Variants in DNAJC16 observed in about 807,000 individuals in gnomAD.
DNAJC16 encodes the protein DnaJ heat shock protein family (Hsp40) member C16.
Under a neutral mutation model 92.7 loss-of-function variants are expected in DNAJC16, and 76 were observed. That is an observed-to-expected ratio of 0.82 (90% CI 0.68 to 0.99). DNAJC16 has a LOEUF of 0.99. DNAJC16 is among the 50% of genes least tolerant of loss of function. The probability of loss-of-function intolerance (pLI) is 0.00; values close to 1 mark genes in which losing one functional copy is unlikely to be tolerated. For missense variants in DNAJC16, 869 were observed against 942.4 expected (o/e 0.92, Z 1.02); for synonymous variants, 328 against 358.7 (o/e 0.91, Z 0.97).
rs754061671 is a variant in DNAJC16 at position 15,544,443 on chromosome 1, G to A, written c.619G>A (p.Ala207Thr). 1 of 1,614,004 alleles carries A rather than the reference G, an allele frequency of 6.2e-7. No individual in the cohort carries two copies. The highest frequency in any genetic ancestry group is 1.1e-5 in the South Asian group (1 of 91,068). Reference sequence around the variant, plus strand: ...CCATGCTGGGTATGAGAGACGCCTGGCCCATCACCTAGGGGCACACAGCAC... The same window carrying A: ...CCATGCTGGGTATGAGAGACGCCTGACCCATCACCTAGGGGCACACAGCAC... ...VVHAGYERRL[A>T]HHLGAHSTPS... The change falls in exon 5 of 15, where the codon GCC becomes ACC. Residue 207 changes from alanine to threonine, a missense_variant. Physicochemically the swap from Ala to Thr is moderately conservative, Grantham distance 58. Coordinates refer to ENST00000375847, the MANE Select transcript of DNAJC16 (RefSeq NM_015291.4).
chr1:15,555,712 G>A (rs1316795683), intron 7 of DNAJC16, among the ~76,000 whole-genome samples: 9 of 150,982 alleles, frequency 6.0e-5, no homozygotes, highest in Non-Finnish European at 1.0e-4. Context: ...GTAAGGCCAG[G>A]TGTGGTGGCT....
intron 4 of DNAJC16, among the ~76,000 whole-genome samples, chr1:15,542,632 C>G (rs1014401254): frequency 2.6e-5 from 4 of 152,214 alleles, no homozygotes; most frequent in Admixed American, 6.5e-5. Context: ...CAGGACACAA[C>G]CTGGGACTTC....
rs1241690061 is a variant in DNAJC16 at position 15,564,045 on chromosome 1, G to C, written c.1455G>C (p.Leu485=). ...KFILLGYLDQ[L]RKDPALLSSE... is the part of the protein sequence containing the mutation. ...TCCTCTTGGGCTATCTCGACCAGCTGCGTAAAGATCCAGCTCTTCTGTCCT... is the reference window on the plus strand; with the variant it reads ...TCCTCTTGGGCTATCTCGACCAGCTCCGTAAAGATCCAGCTCTTCTGTCCT... The change falls in exon 10 of 15, where the codon CTG becomes CTC. Residue 485 remains leucine (L), a synonymous_variant. Coordinates refer to ENST00000375847, the MANE Select transcript of DNAJC16 (RefSeq NM_015291.4). 1 of 1,613,736 alleles carries C rather than the reference G, an allele frequency of 6.2e-7. No individual in the cohort carries two copies. The highest frequency in any genetic ancestry group is 1.3e-5 in the African/African-American group (1 of 74,940).
At chr1:15,527,970 C>T (rs1250786580) in intron 1 of DNAJC16, among the ~76,000 whole-genome samples, 1 of 152,188 alleles carries the variant, frequency 6.6e-6, no homozygotes, top group Admixed American at 6.5e-5. Flanking sequence ...CATTAACCAG[C>T]CAGGATTATT....
intron 2 of DNAJC16, among the ~76,000 whole-genome samples, chr1:15,532,163 C>T (rs978099670): frequency 3.3e-5 from 5 of 152,156 alleles, no homozygotes; most frequent in African/African-American, 1.2e-4. Flanking sequence ...ATTGGTGTGA[C>T]GTGGTTATGC....
chr1:15,534,174 A>G, intron 2 of DNAJC16, 63 bp from the exon 3 acceptor site: 1 of 1,561,558 alleles, frequency 6.4e-7, no homozygotes, highest in Non-Finnish European at 8.8e-7. Context: ...GTGGACAAGG[A>G]CATTAAATGA....
chr1:15,555,116 CT>C (rs1638537927), intron 7 of DNAJC16, among the ~76,000 whole-genome samples: 1 of 151,246 alleles, frequency 6.6e-6, no homozygotes, highest in Non-Finnish European at 1.5e-5. Context: ...TGGCTCACAC[CT>C]GTAATCCTCG....
At position 15,546,780 on chromosome 1, in the gene DNAJC16, A is replaced by G; in HGVS notation, c.773A>G (p.Asn258Ser). Residue 258 changes from asparagine (N) to serine (S), a missense_variant, in exon 6 of 15, where the codon AAT becomes AGT. Coordinates refer to ENST00000375847, the MANE Select transcript of DNAJC16 (RefSeq NM_015291.4). Reference protein sequence around the residue: ...GNLVEKVTNKNYVRFLSGWQQ... With the variant: ...GNLVEKVTNKSYVRFLSGWQQ... ...TTTCAATTTAAGGTTACAAATAAAA[A>G]TTACGTCAGATTCCTCTCTGGCTGG... The G allele has an allele frequency of 6.2e-7, 1 of 1,611,998 alleles. No homozygotes were observed. Among genetic ancestry groups the G allele is most frequent in the Non-Finnish European group, 8.5e-7 (1 of 1,179,316 alleles).
chr1:15,536,462 TC>T lies in DNAJC16; in HGVS notation c.235-12del. The T allele has an allele frequency of 6.5e-7, 1 of 1,550,334 alleles. No homozygotes were observed. Among genetic ancestry groups the T allele is most frequent in the Non-Finnish European group, 8.7e-7 (1 of 1,152,272 alleles). On this transcript the variant is annotated splice_polypyrimidine_tract_variant and intron_variant, in intron 3 of 14. Transcript: ENST00000375847. ...CCTTTTGTTGTTGTTTAGATTTTTTTCTTCCTTTATAGATTCTTTCAAATGA... is the reference window on the plus strand; with the variant it reads ...CCTTTTGTTGTTGTTTAGATTTTTTTTTCCTTTATAGATTCTTTCAAATGA...
chr1:15,534,392 C>A, intron 3 of DNAJC16, 89 bp downstream of exon 3: 3 of 1,301,112 alleles, frequency 2.3e-6, no homozygotes, highest in South Asian at 1.3e-5. Flanking sequence ...TCAGAAAGGT[C>A]ATGTTCCCCA....
At chr1:15,545,698 C>T (rs1207819513) in intron 5 of DNAJC16, among the ~76,000 whole-genome samples, 3 of 152,192 alleles carry the variant, frequency 2.0e-5, no homozygotes, top group Non-Finnish European at 4.4e-5. Context: ...CCTGTGAGGG[C>T]CTCAGAGCAC....
chr1:15,530,965 G>A (rs192913400), intron 2 of DNAJC16, among the ~76,000 whole-genome samples: 1 of 152,360 alleles, frequency 6.6e-6, no homozygotes, highest in Admixed American at 6.5e-5. Flanking sequence ...TGGGATTACA[G>A]ACGTGAGCTA....
intron 7 of DNAJC16, among the ~76,000 whole-genome samples, chr1:15,553,454 G>A (rs951662209): frequency 4.0e-5 from 6 of 151,894 alleles, no homozygotes; most frequent in Admixed American, 3.3e-4. Flanking sequence ...GGCTGGTCTC[G>A]AACTCCTGAC....
chr1:15,567,367 C>T (rs2042367), intron 14 of DNAJC16, 98 bp downstream of exon 14: 735,992 of 1,286,160 alleles, frequency 0.57, 215,898 homozygotes, highest in African/African-American at 0.85. Context: ...TGTGGGGCTT[C>T]ATCCATACAG....
intron 7 of DNAJC16, among the ~76,000 whole-genome samples, chr1:15,556,435 G>A (rs575369251): frequency 1.1e-4 from 16 of 152,198 alleles, no homozygotes; most frequent in African/African-American, 2.9e-4. Flanking sequence ...GAGGGGTTTC[G>A]CCATGTTGGC....
intron 2 of DNAJC16, among the ~76,000 whole-genome samples, chr1:15,532,712 T>TC (rs1173646705): frequency 6.6e-6 from 1 of 152,064 alleles, no homozygotes; most frequent in Non-Finnish European, 1.5e-5. Context: ...TGTGTTTTTT[T>TC]TTGTCATCCA....
intron 11 of DNAJC16, 71 bp downstream of exon 11, chr1:15,564,430 A>C: frequency 2.0e-6 from 2 of 1,012,104 alleles, no homozygotes; most frequent in Admixed American, 1.7e-5. Context: ...TTTTGAAAAG[A>C]GTTCATCATT....
intron 7 of DNAJC16, among the ~76,000 whole-genome samples, chr1:15,551,496 T>C (rs1369803365): frequency 6.6e-6 from 1 of 152,200 alleles, no homozygotes; most frequent in Non-Finnish European, 1.5e-5. Flanking sequence ...TTGCCAGTGA[T>C]AAAATTCAGG....
intron 7 of DNAJC16, among the ~76,000 whole-genome samples, chr1:15,555,151 G>T (rs927128459): frequency 7.3e-5 from 11 of 151,116 alleles, no homozygotes; most frequent in South Asian, 6.3e-4. Flanking sequence ...CGAGGCAGGT[G>T]GATTGCCTGA....
Sources: allele counts gnomAD v4.1 joint callset (sites outside exome capture counted in the v4.1 genomes callset), GRCh38; gene constraint gnomAD v4.1.1; transcripts MANE v1.5; gene names NCBI Gene and HGNC (gene_info 2026-07-23, HGNC 2026-07-21).